Variants in PROKR1 observed in about 807,000 individuals in gnomAD.
PROKR1 encodes G protein-coupled receptor 73.
Under a neutral mutation model 22.8 loss-of-function variants are expected in PROKR1, and 21 were observed. The observed-to-expected ratio is 0.92, with a 90% CI of 0.65 to 1.32. The LOEUF (loss-of-function observed/expected upper bound fraction) is 1.32, where lower values mean the gene tolerates loss of function less well. Among genes scored for constraint, PROKR1 ranks in the 40% most tolerant of loss-of-function variants. PROKR1 has a pLI of 0.00. For synonymous variants in PROKR1, 193 were observed against 207.5 expected (o/e 0.93, Z 0.60); for missense variants, 548 against 514.2 (o/e 1.07, Z -0.64).
At position 68,648,446 on chromosome 2, in the gene PROKR1, C is replaced by T. The variant is rs78271839; in HGVS notation, c.485+2140C>T. On this transcript the variant is annotated intron_variant, in intron 2 of 2. Coordinates refer to ENST00000303786, the MANE Select transcript of PROKR1 (RefSeq NM_138964.4). ...TAAGAAAGATGAATTAGAAAAAATGCTTTGCACCGTGGGAGCTTCTATGGT... is the reference window on the plus strand; with the variant it reads ...TAAGAAAGATGAATTAGAAAAAATGTTTTGCACCGTGGGAGCTTCTATGGT... Among the ~76,000 whole-genome samples the T allele has an allele frequency of 3.2e-3, 492 of 152,194 alleles. 15 individuals are homozygous for T. The East Asian group carries it at 0.059, about 18-fold the overall frequency.
rs888675960 is a variant in PROKR1, at chr2:68,655,363, C to A, written c.969C>A (p.Ala323=). The A allele has an allele frequency of 6.2e-7, 1 of 1,614,088 alleles. No individual in the cohort carries two copies. The highest frequency in any genetic ancestry group is 8.5e-7 in the Non-Finnish European group (1 of 1,180,010). The change falls in exon 3 of 3, where the codon GCC becomes GCA. Residue 323 remains alanine, a synonymous_variant. Transcript: ENST00000303786. ...TGAAGGAGAAGCACTACCTCACTGC[C>A]TTCTACATCGTCGAGTGCATCGCCA... ...VFVKEKHYLT[A]FYIVECIAMS...
In PROKR1 at chr2:68,658,076, G is replaced by A. The variant is rs1263656714; in HGVS notation, c.*2500G>A. 6.6e-6 allele frequency: 1 copy of A among 152,194 alleles called. No individual in the cohort carries two copies. The highest frequency in any genetic ancestry group is 2.4e-5 in the African/African-American group (1 of 41,440). 9.4% of individuals were successfully genotyped at this position (152,194 alleles called of 1,614,324 possible). On this transcript the variant is annotated 3_prime_UTR_variant, in exon 3 of 3. Coordinates refer to ENST00000303786, the MANE Select transcript of PROKR1 (RefSeq NM_138964.4). ...AAACAAGAGTTGATTGTATTAAACA[G>A]GAGCTTTTTATATGCGGCAACCAAA...
At chr2:68,653,996 T>G (rs1329469248) in intron 2 of PROKR1, among the ~76,000 whole-genome samples, 1 of 152,214 alleles carries the variant, frequency 6.6e-6, no homozygotes, top group Non-Finnish European at 1.5e-5. Flanking sequence ...GTCTGTGACC[T>G]TGAGAAAGTC....
Position 68,646,077 on chromosome 2 carries a change from G to T in PROKR1, c.256G>T (p.Ala86Ser). ...CATTGGAAACTTCATCTTTATCGCT[G>T]CCCTGGTCCGCTACAAGAAACTGCG... ...CGIGNFIFIAALVRYKKLRNL... is the reference protein window; with the variant it reads ...CGIGNFIFIASLVRYKKLRNL... The change falls in exon 2 of 3, where the codon GCC becomes TCC. Residue 86 changes from alanine to serine, a missense_variant. Coordinates refer to ENST00000303786, the MANE Select transcript of PROKR1 (RefSeq NM_138964.4). The T allele has an allele frequency of 1.9e-6, 3 of 1,614,132 alleles. No homozygotes were observed. The East Asian group carries it at 6.7e-5, about 36-fold the overall frequency.
At position 68,655,174 on chromosome 2, in the gene PROKR1, G is replaced by T. The variant is rs143380195; in HGVS notation, c.780G>T (p.Trp260Cys). Residue 260 changes from tryptophan (W) to cysteine (C), a missense_variant, in exon 3 of 3, where the codon TGG becomes TGT. Coordinates refer to ENST00000303786, the MANE Select transcript of PROKR1 (RefSeq NM_138964.4). ...LCYARISREL[W>C]FKAVPGFQTE... is the part of the protein sequence containing the mutation. ...ATGCCAGGATCTCCCGGGAGCTCTGGTTCAAGGCGGTCCCTGGATTCCAGA... is the reference window on the plus strand; with the variant it reads ...ATGCCAGGATCTCCCGGGAGCTCTGTTTCAAGGCGGTCCCTGGATTCCAGA... 1.9e-6 allele frequency: 3 copies of T among 1,614,114 alleles called. No homozygotes were observed. Among genetic ancestry groups the T allele is most frequent in the Non-Finnish European group, 1.7e-6 (2 of 1,180,052 alleles).
intron 2 of PROKR1, among the ~76,000 whole-genome samples, chr2:68,648,795 C>A (rs993671777): frequency 6.6e-6 from 1 of 152,074 alleles, no homozygotes; most frequent in African/African-American, 2.4e-5. Flanking sequence ...ATTTCTGTAG[C>A]CATGTTGGCA....
intron 2 of PROKR1, among the ~76,000 whole-genome samples, chr2:68,647,866 G>A (rs1036799971): frequency 3.3e-5 from 5 of 151,828 alleles, no homozygotes; most frequent in Admixed American, 3.3e-4. Flanking sequence ...AAAGAGCCCT[G>A]CAGCTTTTCA....
intron 2 of PROKR1, among the ~76,000 whole-genome samples, chr2:68,647,220 A>C (rs1476746442): frequency 1.3e-5 from 2 of 152,222 alleles, no homozygotes; most frequent in East Asian, 1.9e-4. Flanking sequence ...AAAATCAGTA[A>C]GAGCAGCCTC....
chr2:68,647,016 C>T (rs1163969385), intron 2 of PROKR1, among the ~76,000 whole-genome samples: 2 of 151,792 alleles, frequency 1.3e-5, no homozygotes, highest in African/African-American at 4.8e-5. Flanking sequence ...CCACTGTGCT[C>T]CAGCCTGGGT....
rs576918809 is a variant in PROKR1, at chr2:68,651,726, G to C, written c.486-3154G>C. Among the ~76,000 whole-genome samples, 376 of 152,304 alleles carry C rather than the reference G, an allele frequency of 2.5e-3. 2 individuals are homozygous for C. The highest frequency in any genetic ancestry group is 8.3e-3 in the African/African-American group (346 of 41,556). ...ACCACTGTTACCATGATTTGATCTGGGGCTTGGTCCTGGGAACGGAGACAG... is the reference window on the plus strand; with the variant it reads ...ACCACTGTTACCATGATTTGATCTGCGGCTTGGTCCTGGGAACGGAGACAG... On this transcript the variant is annotated intron_variant, in intron 2 of 2. Coordinates refer to ENST00000303786, the MANE Select transcript of PROKR1 (RefSeq NM_138964.4).
chr2:68,647,464 G>A (rs1398627645), intron 2 of PROKR1, among the ~76,000 whole-genome samples: 1 of 152,166 alleles, frequency 6.6e-6, no homozygotes, highest in African/African-American at 2.4e-5. Context: ...AGAGCCTGAG[G>A]CATACATGCT....
chr2:68,650,682 A>G (rs566372262), intron 2 of PROKR1, among the ~76,000 whole-genome samples: 1 of 152,260 alleles, frequency 6.6e-6, no homozygotes, highest in East Asian at 1.9e-4. Context: ...CTGACCATCT[A>G]GAGTTGGGGG....
Position 68,654,955 on chromosome 2 carries a change from G to C in PROKR1, c.561G>C (p.Trp187Cys). ...QTATGLIALV[W>C]TVSILIAIPS... ...CCACTGGCCTGATTGCCTTGGTGTGGACGGTGTCCATCCTGATCGCCATCC... is the reference window on the plus strand; with the variant it reads ...CCACTGGCCTGATTGCCTTGGTGTGCACGGTGTCCATCCTGATCGCCATCC... The change falls in exon 3 of 3, where the codon TGG becomes TGC. Residue 187 changes from tryptophan (W) to cysteine (C), a missense_variant. Trp to Cys is a radical substitution (Grantham distance 215). Transcript: ENST00000303786. 6.2e-7 allele frequency: 1 copy of C among 1,613,804 alleles called. No individual in the cohort carries two copies. The highest frequency in any genetic ancestry group is 8.5e-7 in the Non-Finnish European group (1 of 1,180,018).
chr2:68,647,797 G>A (rs936393774), intron 2 of PROKR1, among the ~76,000 whole-genome samples: 4 of 152,074 alleles, frequency 2.6e-5, no homozygotes, highest in Non-Finnish European at 4.4e-5. Context: ...TCCCTCCACT[G>A]AATCACAGAG....
intron 2 of PROKR1, among the ~76,000 whole-genome samples, chr2:68,650,352 C>CA (rs1673288872): frequency 6.6e-6 from 1 of 152,126 alleles, no homozygotes; most frequent in South Asian, 2.1e-4. Context: ...CCTGTTTTCC[C>CA]AAAAATAGTT....
At position 68,645,955 on chromosome 2, in the gene PROKR1, C is replaced by G; in HGVS notation, c.134C>G (p.Pro45Arg). The change falls in exon 2 of 3, where the codon CCT becomes CGT. Residue 45 changes from proline to arginine, a missense_variant. Transcript: ENST00000303786. ...TTCAGCTACAGCGACTATGATATGC[C>G]TTTGGATGAAGATGAGGATGTGACC... ...FNFSYSDYDM[P>R]LDEDEDVTNS... 6.2e-7 allele frequency: 1 copy of G among 1,614,222 alleles called. No individual in the cohort carries two copies. The highest frequency in any genetic ancestry group is 8.5e-7 in the Non-Finnish European group (1 of 1,180,042).
At chr2:68,645,580 G>T in intron 1 of PROKR1, 82 bp from the exon 2 acceptor site, 1 of 587,910 alleles carries the variant, frequency 1.7e-6, no homozygotes, top group Non-Finnish European at 3.0e-6. Context: ...GGAGCTAATA[G>T]GTCTGCTTAG....
intron 1 of PROKR1, among the ~76,000 whole-genome samples, chr2:68,644,953 G>T (rs1433376105): frequency 6.6e-6 from 1 of 152,206 alleles, no homozygotes; most frequent in Admixed American, 6.5e-5. Flanking sequence ...ACTCCTTGCA[G>T]TTCTAGGGTG....
Position 68,655,236 on chromosome 2 carries a change from A to T in PROKR1, c.842A>T (p.Lys281Met). ...QIRKRLRCRRKTVLVLMCILT... is the reference protein window; with the variant it reads ...QIRKRLRCRRMTVLVLMCILT... ...CGCAAGAGGCTGCGCTGCCGCAGGA[A>T]GACGGTCCTGGTGCTCATGTGCATC... Residue 281 changes from lysine (K) to methionine (M), a missense_variant, in exon 3 of 3, where the codon AAG becomes ATG. By Grantham distance (95) the Lys-to-Met change is moderately conservative. Coordinates refer to ENST00000303786, the MANE Select transcript of PROKR1 (RefSeq NM_138964.4). The T allele has an allele frequency of 6.2e-7, 1 of 1,614,254 alleles. No individual in the cohort carries two copies. The highest frequency in any genetic ancestry group is 8.5e-7 in the Non-Finnish European group (1 of 1,180,042).
Sources: allele counts gnomAD v4.1 joint callset (sites outside exome capture counted in the v4.1 genomes callset), GRCh38; gene constraint gnomAD v4.1.1; transcripts MANE v1.5; gene names NCBI Gene and HGNC (gene_info 2026-07-23, HGNC 2026-07-21).